LIMK1: variants seen among roughly 807,000 people sequenced by gnomAD.
LIMK1 encodes LIM motif-containing protein kinase.
In LIMK1, 21 loss-of-function variants were observed where a neutral mutation model predicts 77.6. That is an observed-to-expected ratio of 0.27 (90% CI 0.19 to 0.39). The LOEUF is 0.39. LIMK1 is among the 10% of genes least tolerant of loss of function. The probability of loss-of-function intolerance (pLI) is 1.00; values close to 1 mark genes in which losing one functional copy is unlikely to be tolerated. For synonymous variants in LIMK1, 358 were observed against 370.0 expected (o/e 0.97, Z 0.37); for missense variants, 696 against 901.6 (o/e 0.77, Z 2.92).
intron 2 of LIMK1, among the ~76,000 whole-genome samples, chr7:74,091,225 T>C (rs1474089747): frequency 6.7e-6 from 1 of 150,368 alleles, no homozygotes; most frequent in Non-Finnish European, 1.5e-5. Context: ...TGCCCGGCAA[T>C]ATTAAAGCGA....
In LIMK1 at chr7:74,115,806, A is replaced by G. The variant is rs1406748048; in HGVS notation, c.1415A>G (p.Lys472Arg). 2.5e-6 allele frequency: 4 copies of G among 1,613,896 alleles called. No individual in the cohort carries two copies. Among genetic ancestry groups the G allele is most frequent in the Non-Finnish European group, 8.5e-7 (1 of 1,179,916 alleles). ...GACCCGGCTTCACCTTCCCAGAACA[A>G]GAATGTGGTGGTGGCTGACTTCGGG... The part of the protein sequence containing the change: ...NSHNCLVREN[K>R]NVVVADFGLA... The change falls in exon 13 of 16, where the codon AAG (lysine) becomes AGG (arginine). Residue 472 changes from lysine to arginine, a missense_variant. Physicochemically the swap from Lys to Arg is conservative, Grantham distance 26. Transcript: ENST00000336180.
At chr7:74,084,594 G>T (rs1359740169) in intron 1 of LIMK1, among the ~76,000 whole-genome samples, 1 of 152,138 alleles carries the variant, frequency 6.6e-6, no homozygotes, top group Non-Finnish European at 1.5e-5. Context: ...CGTCCAGGAA[G>T]CCGGAGGCCG....
chr7:74,120,516 C>A, intron 13 of LIMK1, 67 bp from the exon 14 acceptor site: 1 of 1,567,474 alleles, frequency 6.4e-7, no homozygotes, highest in Non-Finnish European at 8.8e-7. Flanking sequence ...CTGGCCTGGT[C>A]CCCTGCCTTT....
In LIMK1 at chr7:74,083,956, C is replaced by T; in HGVS notation, c.-35C>T. ...GCTCGCGGGCCCGGCCGCCCCCAGCCCCAGCCCCGCCGGGCCCCGCCCCCC... is the reference window on the plus strand; with the variant it reads ...GCTCGCGGGCCCGGCCGCCCCCAGCTCCAGCCCCGCCGGGCCCCGCCCCCC... On this transcript the variant is annotated 5_prime_UTR_variant, in exon 1 of 16. Transcript: ENST00000336180. 9.1e-7 allele frequency: 1 copy of T among 1,094,154 alleles called. No homozygotes were observed. Among genetic ancestry groups the T allele is most frequent in the Non-Finnish European group, 1.2e-6 (1 of 837,534 alleles). The allele number at this position is 1,094,154 out of a possible 1,614,324, so 67.8% of individuals were successfully genotyped here. A position where few individuals can be genotyped will look rare whatever the true frequency, so the allele number is the denominator to read the frequency against.
chr7:74,118,377 A>AC (rs1799861424), intron 13 of LIMK1, among the ~76,000 whole-genome samples: 2 of 130,046 alleles, frequency 1.5e-5, no homozygotes, highest in African/African-American at 3.0e-5. Context: ...CTCTGTGTCA[A>AC]ACACACACAC....
chr7:74,095,292 C>T (rs897951746), intron 2 of LIMK1, among the ~76,000 whole-genome samples: 3 of 152,164 alleles, frequency 2.0e-5, no homozygotes, highest in East Asian at 1.9e-4. Flanking sequence ...CAGAGCGGGA[C>T]GGACCCCCTA....
intron 12 of LIMK1, 82 bp downstream of exon 12, chr7:74,112,080 C>A: frequency 9.1e-7 from 1 of 1,101,018 alleles, no homozygotes; most frequent in Non-Finnish European, 1.3e-6. Flanking sequence ...CTTCCCAGAA[C>A]TGGAGGCCCC....
chr7:74,112,781 C>T lies in LIMK1; in HGVS notation c.1410+783C>T, dbSNP rs1554698861. ...CGGAACTTGCAGTGAGCCAAGATCG[C>T]GCCACCGCACTCCAGCCTGGGTGAC... is the stretch of plus-strand genomic sequence containing the variant. On this transcript the variant is annotated intron_variant, in intron 12 of 15. Coordinates refer to ENST00000336180, the MANE Select transcript of LIMK1 (RefSeq NM_002314.4). Among the ~76,000 whole-genome samples the T allele has an allele frequency of 2.6e-5, 4 of 151,362 alleles. No homozygotes were observed. In the East Asian group the frequency reaches 5.9e-4, roughly 22 times the overall value.
At chr7:74,118,191 A>G (rs1416932542) in intron 13 of LIMK1, among the ~76,000 whole-genome samples, 3 of 151,530 alleles carry the variant, frequency 2.0e-5, no homozygotes, top group Admixed American at 6.6e-5. Flanking sequence ...CCTGGTCAAC[A>G]TGATGAAACC....
intron 13 of LIMK1, among the ~76,000 whole-genome samples, chr7:74,116,991 C>T (rs1316205850): frequency 6.6e-6 from 1 of 152,092 alleles, no homozygotes; most frequent in Admixed American, 6.6e-5. Flanking sequence ...ACGCCATTCT[C>T]CTGCCTCAGC....
chr7:74,091,160 G>A (rs562520973), intron 2 of LIMK1, among the ~76,000 whole-genome samples: 8 of 152,128 alleles, frequency 5.3e-5, no homozygotes, highest in African/African-American at 1.9e-4. Context: ...TCCTGACCTC[G>A]TGATCCGCCC....
rs1053796298 is a variant in LIMK1 at position 74,120,103 on chromosome 7, C to T, written c.1568-480C>T. On this transcript the variant is annotated intron_variant, in intron 13 of 15. Coordinates refer to ENST00000336180, the MANE Select transcript of LIMK1 (RefSeq NM_002314.4). Reference sequence around the variant, plus strand: ...CTCCACCCCTGTCTTCACAGGGCCACCTCCTCCTCTTCTGCTGTGTCTTCT... The same window carrying T: ...CTCCACCCCTGTCTTCACAGGGCCATCTCCTCCTCTTCTGCTGTGTCTTCT... 2.6e-5 allele frequency among the ~76,000 whole-genome samples: 4 copies of T among 152,168 alleles called. No homozygotes were observed. In the East Asian group the frequency reaches 7.7e-4, roughly 29 times the overall value.
At chr7:74,114,269 T>C (rs919066535) in intron 12 of LIMK1, among the ~76,000 whole-genome samples, 3 of 151,778 alleles carry the variant, frequency 2.0e-5, no homozygotes, top group Non-Finnish European at 4.4e-5. Flanking sequence ...CAGAGATCTG[T>C]GTTGGCTTAC....
chr7:74,099,086 T>C lies in LIMK1; in HGVS notation c.456T>C (p.Pro152=). 1 of 1,613,502 alleles carries C rather than the reference T, an allele frequency of 6.2e-7. No individual in the cohort carries two copies. The highest frequency in any genetic ancestry group is 1.1e-5 in the South Asian group (1 of 91,088). The change falls in exon 5 of 16, where the codon CCT becomes CCC. Residue 152 remains proline (P), a synonymous_variant. Coordinates refer to ENST00000336180, the MANE Select transcript of LIMK1 (RefSeq NM_002314.4). ...CCCCCGTCATCGAGCAGATCCTGCC[T>C]GACTCCCCTGGCTCCCACCTGCCCC... ...VVTPVIEQIL[P]DSPGSHLPHT...
chr7:74,108,722 G>A (rs376414319), intron 9 of LIMK1, among the ~76,000 whole-genome samples, 183 bp from the exon 10 acceptor site: 1 of 151,896 alleles, frequency 6.6e-6, no homozygotes, highest in East Asian at 1.9e-4. Context: ...CGCTGGGGGT[G>A]GGGGCAGCTC....
At chr7:74,102,641 G>A (rs1026429847) in intron 5 of LIMK1, among the ~76,000 whole-genome samples, 1 of 151,158 alleles carries the variant, frequency 6.6e-6, no homozygotes, top group Non-Finnish European at 1.5e-5. Flanking sequence ...GGGCCACCAC[G>A]CCTGGCTAGG....
In LIMK1 at chr7:74,115,893, C is replaced by G; in HGVS notation, c.1502C>G (p.Pro501Arg). 6.2e-7 allele frequency: 1 copy of G among 1,614,192 alleles called. No individual in the cohort carries two copies. The highest frequency in any genetic ancestry group is 2.2e-5 in the East Asian group (1 of 44,882). Residue 501 changes from proline to arginine, a missense_variant, in exon 13 of 16, where the codon CCA becomes CGA. By Grantham distance (103) the Pro-to-Arg change is moderately radical. Transcript: ENST00000336180. ...GAGGGCCTGCGGAGCCTCAAGAAGC[C>G]AGACCGCAAGAAGCGCTACACCGTG... ...QPEGLRSLKK[P>R]DRKKRYTVVG...
intron 4 of LIMK1, among the ~76,000 whole-genome samples, chr7:74,097,634 C>T (rs1026904727): frequency 6.6e-6 from 1 of 152,204 alleles, no homozygotes; most frequent in Non-Finnish European, 1.5e-5. Flanking sequence ...CAAGATTGCA[C>T]CACTGCCCTC....
chr7:74,107,151 C>T lies in LIMK1; in HGVS notation c.1023C>T (p.His341=), dbSNP rs373968476. ...TCTTCCGGCCGTCGGACCTCATCCA[C>T]GGGGAGGTGCTGGGCAAGGGCTGCT... ...HRIFRPSDLI[H]GEVLGKGCFG... is the part of the protein sequence containing the mutation. Residue 341 remains histidine, a synonymous_variant, in exon 8 of 16, where the codon CAC becomes CAT. Transcript: ENST00000336180. 1.8e-5 allele frequency: 29 copies of T among 1,612,892 alleles called. No individual in the cohort carries two copies. Among genetic ancestry groups the T allele is most frequent in the South Asian group, 9.9e-5 (9 of 90,966 alleles).
Sources: gnomAD v4.1 joint callset for allele counts (sites outside exome capture counted in the v4.1 genomes callset) on GRCh38, gnomAD v4.1.1 for gene constraint, MANE v1.5 for transcripts, NCBI Gene and HGNC (gene_info 2026-07-23, HGNC 2026-07-21) for gene names.